Variants in RNF150 observed in about 807,000 individuals in gnomAD.
The protein encoded by RNF150 is ring finger protein 150.
Under a neutral mutation model 39.3 loss-of-function variants are expected in RNF150, and 24 were observed. The ratio of observed to expected loss-of-function variants is 0.61; its 90% CI spans 0.44 to 0.86. The LOEUF (loss-of-function observed/expected upper bound fraction) is 0.86. RNF150 is among the 40% of genes least tolerant of loss of function. RNF150 has a pLI of 0.00. For synonymous variants in RNF150, 255 were observed against 227.3 expected (o/e 1.12, Z -1.10); for missense variants, 502 against 587.8 (o/e 0.85, Z 1.51).
At chr4:140,901,991 C>G (rs1483431384) in intron 6 of RNF150, among the ~76,000 whole-genome samples, 1 of 152,104 alleles carries the variant, frequency 6.6e-6, no homozygotes, top group African/African-American at 2.4e-5. Context: ...AGGCCAAATG[C>G]TTAATGATTT....
intron 1 of RNF150, among the ~76,000 whole-genome samples, chr4:141,197,547 A>T (rs1314904536): frequency 6.6e-6 from 1 of 152,194 alleles, no homozygotes; most frequent in Non-Finnish European, 1.5e-5. Context: ...ATCACCTTTT[A>T]CAATTTGTAT....
chr4:141,197,205 A>G (rs187823457), intron 1 of RNF150, among the ~76,000 whole-genome samples: 2 of 152,312 alleles, frequency 1.3e-5, no homozygotes, highest in East Asian at 3.9e-4. Context: ...TTACAATTCA[A>G]TTTCGAATGT....
chr4:141,078,658 C>T (rs2110971176), intron 1 of RNF150, among the ~76,000 whole-genome samples: 1 of 150,882 alleles, frequency 6.6e-6, no homozygotes, highest in South Asian at 2.1e-4. Context: ...GGCGCGGTGG[C>T]AGGCACCTGT....
intron 6 of RNF150, among the ~76,000 whole-genome samples, chr4:140,872,180 C>T (rs1460464966): frequency 6.6e-6 from 1 of 152,134 alleles, no homozygotes; most frequent in Non-Finnish European, 1.5e-5. Flanking sequence ...TGTCAGCAAA[C>T]TATTTAGAAG....
At chr4:141,175,745 C>T (rs1727798575) in intron 1 of RNF150, among the ~76,000 whole-genome samples, 1 of 152,192 alleles carries the variant, frequency 6.6e-6, no homozygotes, top group Admixed American at 6.5e-5. Context: ...TCTCACAATT[C>T]TGGAGGCTGG....
chr4:140,994,519 C>T (rs1323196451), intron 1 of RNF150, among the ~76,000 whole-genome samples: 1 of 152,126 alleles, frequency 6.6e-6, no homozygotes, highest in East Asian at 1.9e-4. Flanking sequence ...TTTAAGCAGC[C>T]CTAACAAACC....
chr4:141,070,770 T>A (rs1031815552), intron 1 of RNF150, among the ~76,000 whole-genome samples: 8 of 145,646 alleles, frequency 5.5e-5, no homozygotes, highest in African/African-American at 2.0e-4. Flanking sequence ...AGGAACACTT[T>A]TACACTGTTG....
At chr4:140,975,410 C>G (rs1168780995) in intron 1 of RNF150, among the ~76,000 whole-genome samples, 3 of 152,124 alleles carry the variant, frequency 2.0e-5, no homozygotes, top group Non-Finnish European at 4.4e-5. Flanking sequence ...GTCCTGGAAC[C>G]AATCCCCAGG....
chr4:141,206,413 C>T (rs1438944584), intron 1 of RNF150, among the ~76,000 whole-genome samples: 1 of 105,372 alleles, frequency 9.5e-6, no homozygotes, highest in African/African-American at 3.8e-5. Flanking sequence ...CAATGAGACT[C>T]AATCTCAAAA....
At chr4:141,148,843 C>G (rs973890357) in intron 1 of RNF150, among the ~76,000 whole-genome samples, 36 of 152,202 alleles carry the variant, frequency 2.4e-4, no homozygotes, top group African/African-American at 8.2e-4. Flanking sequence ...CTTTCTTCTT[C>G]TATCTCAGTC....
chr4:140,868,832 C>G (rs1259514473), intron 6 of RNF150, among the ~76,000 whole-genome samples: 1 of 152,000 alleles, frequency 6.6e-6, no homozygotes, highest in Non-Finnish European at 1.5e-5. Flanking sequence ...ATAAGAAAAA[C>G]AGTTCAATAG....
chr4:140,877,724 T>C (rs1729212135), intron 6 of RNF150, among the ~76,000 whole-genome samples: 1 of 152,198 alleles, frequency 6.6e-6, no homozygotes, highest in Non-Finnish European at 1.5e-5. Context: ...AGGTGACATA[T>C]GCTAAAAGAG....
At chr4:141,002,485 T>C (rs985753257) in intron 1 of RNF150, among the ~76,000 whole-genome samples, 5 of 152,226 alleles carry the variant, frequency 3.3e-5, no homozygotes, top group African/African-American at 4.8e-5. Context: ...GATGTGGTTA[T>C]ATAAACACTC....
At chr4:140,959,743 T>G (rs58972203) in intron 2 of RNF150, among the ~76,000 whole-genome samples, 54,905 of 152,018 alleles carry the variant, frequency 0.36, 11,642 homozygotes, top group Non-Finnish European at 0.48. Flanking sequence ...CAGAGTGTCA[T>G]TGTGCACTGG....
chr4:141,122,451 C>T (rs910803623), intron 1 of RNF150, among the ~76,000 whole-genome samples: 1 of 152,210 alleles, frequency 6.6e-6, no homozygotes, highest in East Asian at 1.9e-4. Flanking sequence ...GAGCACCATG[C>T]TCCTGAGTGA....
intron 6 of RNF150, among the ~76,000 whole-genome samples, chr4:140,891,707 G>T (rs1729759178): frequency 1.3e-5 from 2 of 152,110 alleles, no homozygotes; most frequent in Non-Finnish European, 2.9e-5. Flanking sequence ...ACATCCTTTT[G>T]TATATTTTAA....
intron 6 of RNF150, among the ~76,000 whole-genome samples, chr4:140,869,872 G>C (rs1260092649): frequency 6.6e-6 from 1 of 150,970 alleles, no homozygotes; most frequent in Non-Finnish European, 1.5e-5. Context: ...GGAGGCCAGA[G>C]AGCTGAGCTG....
chr4:141,073,720 A>G (rs72949038), intron 1 of RNF150, among the ~76,000 whole-genome samples: 103 of 152,220 alleles, frequency 6.8e-4, no homozygotes, highest in African/African-American at 2.1e-3. Context: ...ATTTAAATTC[A>G]ATGTAATTCC....
At chr4:141,066,484 C>T (rs939585068) in intron 1 of RNF150, among the ~76,000 whole-genome samples, 6 of 152,136 alleles carry the variant, frequency 3.9e-5, no homozygotes, top group African/African-American at 1.2e-4. Flanking sequence ...TGAGTTTACA[C>T]TTCTAATAAC....
Sources: allele counts gnomAD v4.1 joint callset (sites outside exome capture counted in the v4.1 genomes callset), GRCh38; gene constraint gnomAD v4.1.1; transcripts MANE v1.5; gene names NCBI Gene and HGNC (gene_info 2026-07-23, HGNC 2026-07-21).